The following CSMD2 variants were observed in gnomAD, a reference collection of about 807,000 sequenced individuals.
The protein encoded by CSMD2 is CUB and sushi domain-containing protein 2.
CSMD2 carries 130 observed loss-of-function variants against 398.5 expected under a neutral mutation model. That is an observed-to-expected ratio of 0.33 (90% CI 0.28 to 0.38). The LOEUF (loss-of-function observed/expected upper bound fraction) is 0.38. Ranked by LOEUF, CSMD2 falls within the 10% of genes least tolerant of loss-of-function variation. The pLI, the probability that CSMD2 is intolerant of heterozygous loss-of-function variation, is 1.00. For synonymous variants in CSMD2, 1,828 were observed against 1,908.5 expected (o/e 0.96, Z 1.10); for missense variants, 3,829 against 4,764.9 (o/e 0.80, Z 5.78).
At chr1:33,721,374 A>G (rs1646354104) in intron 19 of CSMD2, among the ~76,000 whole-genome samples, 1 of 152,260 alleles carries the variant, frequency 6.6e-6, no homozygotes, top group East Asian at 1.9e-4. Context: ...CAAGTATCAA[A>G]TAAACATTTG....
chr1:33,562,404 G>T (rs1055685161), intron 53 of CSMD2, among the ~76,000 whole-genome samples: 5 of 152,322 alleles, frequency 3.3e-5, no homozygotes, highest in African/African-American at 1.2e-4. Context: ...TCAGATTCCT[G>T]CTCTGCAGCT....
At chr1:33,824,025 C>A (rs1160895640) in intron 7 of CSMD2, among the ~76,000 whole-genome samples, 1 of 152,158 alleles carries the variant, frequency 6.6e-6, no homozygotes, top group Non-Finnish European at 1.5e-5. Context: ...GATCTGGCAA[C>A]ACTCTTGGGA....
intron 3 of CSMD2, among the ~76,000 whole-genome samples, chr1:33,992,831 C>T (rs1019112051): frequency 1.4e-5 from 2 of 146,326 alleles, no homozygotes; most frequent in Admixed American, 7.0e-5. Flanking sequence ...GAGCCGTGAT[C>T]GTGCCACTGC....
At chr1:33,654,864 GTC>G (rs1157588337) in intron 27 of CSMD2, among the ~76,000 whole-genome samples, 9 of 152,252 alleles carry the variant, frequency 5.9e-5, no homozygotes, top group Non-Finnish European at 1.3e-4. Flanking sequence ...GATGGGGTGA[GTC>G]TCTGTGTTTC....
chr1:33,946,624 T>C (rs471816), intron 3 of CSMD2, among the ~76,000 whole-genome samples: 43,784 of 151,338 alleles, frequency 0.29, 6,602 homozygotes, highest in Middle Eastern at 0.44. Context: ...TGACAACTTT[T>C]TTTTTTTTTT....
At chr1:34,077,995 AT>A (rs1280929598) in intron 2 of CSMD2, among the ~76,000 whole-genome samples, 3 of 151,644 alleles carry the variant, frequency 2.0e-5, no homozygotes, top group Non-Finnish European at 2.9e-5. Flanking sequence ...TACTCATGAA[AT>A]TTTTTTTTAT....
intron 29 of CSMD2, among the ~76,000 whole-genome samples, chr1:33,640,900 G>A (rs1643067427): frequency 6.6e-6 from 1 of 152,156 alleles, no homozygotes; most frequent in African/African-American, 2.4e-5. Flanking sequence ...GTAGCTTCCA[G>A]GCCCACAGTG....
intron 49 of CSMD2, among the ~76,000 whole-genome samples, chr1:33,574,925 G>C (rs1011019357): frequency 7.2e-5 from 11 of 152,248 alleles, no homozygotes; most frequent in African/African-American, 2.7e-4. Context: ...CTGGTGTCTT[G>C]CATGGAGAGT....
chr1:34,044,973 A>G (rs1652312126), intron 2 of CSMD2, among the ~76,000 whole-genome samples: 1 of 151,966 alleles, frequency 6.6e-6, no homozygotes, highest in Non-Finnish European at 1.5e-5. Flanking sequence ...AAACAGAACT[A>G]TCATTACAGG....
intron 49 of CSMD2, among the ~76,000 whole-genome samples, chr1:33,573,206 G>T (rs1204236165): frequency 6.6e-6 from 1 of 152,102 alleles, no homozygotes; most frequent in Non-Finnish European, 1.5e-5. Context: ...TCACTGATAG[G>T]AGAGACTTTG....
intron 5 of CSMD2, among the ~76,000 whole-genome samples, chr1:33,861,508 G>A (rs538075634): frequency 6.6e-6 from 1 of 152,318 alleles, no homozygotes; most frequent in East Asian, 1.9e-4. Flanking sequence ...TCCCGGGCAT[G>A]TGGTCTGGTC....
chr1:33,888,395 T>C (rs925555216), intron 5 of CSMD2, among the ~76,000 whole-genome samples: 2 of 152,114 alleles, frequency 1.3e-5, no homozygotes, highest in South Asian at 4.1e-4. Context: ...ATTCAAATGA[T>C]ACAATTATGA....
chr1:33,773,418 A>G (rs949828301), intron 12 of CSMD2, among the ~76,000 whole-genome samples: 1 of 152,250 alleles, frequency 6.6e-6, no homozygotes, highest in Admixed American at 6.5e-5. Context: ...ATGCTTTGAA[A>G]GTTCACTTGA....
At chr1:34,027,179 G>A (rs1402184743) in intron 3 of CSMD2, among the ~76,000 whole-genome samples, 1 of 152,112 alleles carries the variant, frequency 6.6e-6, no homozygotes, top group Non-Finnish European at 1.5e-5. Context: ...TTACAAAGAA[G>A]ATAAGAAAAA....
chr1:33,706,823 CGTGTGTAT>C (rs1405958298), intron 22 of CSMD2, among the ~76,000 whole-genome samples: 9 of 150,680 alleles, frequency 6.0e-5, no homozygotes, highest in Admixed American at 4.0e-4. Context: ...TTTGTGCGTG[CGTGTGTAT>C]GTGTGTGTGC....
intron 19 of CSMD2, among the ~76,000 whole-genome samples, chr1:33,717,387 G>C (rs1646208088): frequency 1.3e-5 from 2 of 152,042 alleles, no homozygotes; most frequent in Admixed American, 1.3e-4. Flanking sequence ...GAAGGAGCAA[G>C]AGCAGGAGAT....
intron 13 of CSMD2, among the ~76,000 whole-genome samples, chr1:33,745,363 C>A (rs562924979): frequency 3.8e-4 from 58 of 152,166 alleles, no homozygotes; most frequent in African/African-American, 1.3e-3. Flanking sequence ...TTAATATATA[C>A]AAGCATAAAA....
intron 37 of CSMD2, among the ~76,000 whole-genome samples, chr1:33,619,785 T>C (rs1641645852): frequency 6.6e-6 from 1 of 152,124 alleles, no homozygotes; most frequent in Non-Finnish European, 1.5e-5. Flanking sequence ...TCCAAAACTC[T>C]CAGCAGCTGA....
chr1:33,763,413 G>T (rs1035486492), intron 13 of CSMD2, among the ~76,000 whole-genome samples: 3 of 152,170 alleles, frequency 2.0e-5, no homozygotes, highest in Non-Finnish European at 4.4e-5. Flanking sequence ...GGGGGACAAG[G>T]CCAAGAATTT....
Sources: gnomAD v4.1 joint callset for allele counts (sites outside exome capture counted in the v4.1 genomes callset) on GRCh38, gnomAD v4.1.1 for gene constraint, MANE v1.5 for transcripts, NCBI Gene and HGNC (gene_info 2026-07-23, HGNC 2026-07-21) for gene names.